The following CARS2 variants were observed in gnomAD, a reference collection of about 807,000 sequenced individuals.
The protein encoded by CARS2 is probable cysteine--tRNA ligase, mitochondrial.
CARS2 carries 52 observed loss-of-function variants against 68.8 expected under a neutral mutation model. That is an observed-to-expected ratio of 0.76 (90% CI 0.61 to 0.95). The LOEUF (loss-of-function observed/expected upper bound fraction) is 0.95. CARS2 is among the 40% of genes least tolerant of loss of function. CARS2 has a pLI of 0.00. For synonymous variants in CARS2, 314 were observed against 303.6 expected (o/e 1.03, Z -0.36); for missense variants, 780 against 754.2 (o/e 1.03, Z -0.40).
At chr13:110,645,638 C>T (rs1196600531) in intron 12 of CARS2, 37 of 231,572 alleles carry the variant, frequency 1.6e-4, no homozygotes, top group Non-Finnish European at 5.0e-5. Flanking sequence ...TAAAAAGTTC[C>T]CCACAAAAGC....
chr13:110,663,243 C>T (rs568088053), intron 9 of CARS2, among the ~76,000 whole-genome samples: 3 of 152,074 alleles, frequency 2.0e-5, no homozygotes, highest in South Asian at 2.1e-4. Context: ...AAAGGGACTG[C>T]GGAAACCTGC....
intron 6 of CARS2, among the ~76,000 whole-genome samples, chr13:110,681,777 C>A (rs560080598): frequency 6.6e-6 from 1 of 152,142 alleles, no homozygotes; most frequent in African/African-American, 2.4e-5. Flanking sequence ...TGAAAAGACA[C>A]GGAGGAAAAT....
At chr13:110,682,694 G>A (rs982328384) in intron 6 of CARS2, among the ~76,000 whole-genome samples, 10 of 152,182 alleles carry the variant, frequency 6.6e-5, no homozygotes, top group African/African-American at 1.9e-4. Flanking sequence ...ACACGTATGG[G>A]AATTAAATGT....
At chr13:110,652,625 G>C (rs1414163066) in intron 9 of CARS2, among the ~76,000 whole-genome samples, 2 of 152,186 alleles carry the variant, frequency 1.3e-5, no homozygotes, top group Non-Finnish European at 2.9e-5. Flanking sequence ...TCTTCTACCA[G>C]GAAGGAGCTC....
At chr13:110,642,763 C>T (rs766505370) in intron 13 of CARS2, 32 of 736,642 alleles carry the variant, frequency 4.3e-5, no homozygotes, top group African/African-American at 3.8e-4. Flanking sequence ...GATCCTCACT[C>T]GGGAGTTGGA....
upstream of CARS2, among the ~76,000 whole-genome samples, chr13:110,707,153 G>A (rs2139952148): frequency 6.7e-6 from 1 of 149,624 alleles, no homozygotes; most frequent in Non-Finnish European, 1.5e-5. Context: ...AACACTGTCT[G>A]CATTCCAATG....
chr13:110,646,352 AT>A, intron 11 of CARS2: 1 of 338,494 alleles, frequency 3.0e-6, no homozygotes, highest in East Asian at 5.6e-5. Flanking sequence ...GGGCATTTTC[AT>A]GATGGTTTTA....
rs868155407 is a variant in CARS2, at chr13:110,676,511, G to A, written c.785+463C>T. Among the ~76,000 whole-genome samples, 1 of 152,180 alleles carries A rather than the reference G, an allele frequency of 6.6e-6. No homozygotes were observed. Among genetic ancestry groups the A allele is most frequent in the Non-Finnish European group, 1.5e-5 (1 of 68,032 alleles). The stretch of plus-strand genomic sequence containing the variant: ...ACAGAGGACCCACATGAGGGTGGCT[G>A]GGGGACTCCAGGAAGATCTGGGAGG... On this transcript the variant is annotated intron_variant, in intron 7 of 14. Coordinates refer to ENST00000257347, the MANE Select transcript of CARS2 (RefSeq NM_024537.4). This position sits in a 1 kb window ranked among gnomAD's most constrained non-coding sequence, Gnocchi z 4.0.
Position 110,668,490 on chromosome 13 carries a change from C to T in CARS2, c.786-1017G>A, listed in dbSNP as rs981231077. The stretch of plus-strand genomic sequence containing the variant: ...CCGGGAGGCGGAGCTTGCAGTGAGC[C>T]GAGATCGCGCCACTGCACTCCAGCC... On this transcript the variant is annotated intron_variant, in intron 7 of 14. Transcript: ENST00000257347. The surrounding 1 kb of genome is among the most constrained non-coding windows in gnomAD (Gnocchi z 4.1). Among the ~76,000 whole-genome samples the T allele has an allele frequency of 1.7e-4, 26 of 150,876 alleles. No individual in the cohort carries two copies. The highest frequency in any genetic ancestry group is 2.9e-5 in the Non-Finnish European group (2 of 67,888).
intron 11 of CARS2, 168 bp from the exon 12 acceptor site, chr13:110,646,258 C>T (rs1345694551): frequency 6.0e-6 from 4 of 669,154 alleles, no homozygotes; most frequent in Non-Finnish European, 9.5e-6. Context: ...AATTATGTAA[C>T]ATCAACTGCA....
chr13:110,654,099 C>T (rs1361939767), intron 9 of CARS2, among the ~76,000 whole-genome samples: 1 of 152,164 alleles, frequency 6.6e-6, no homozygotes, highest in African/African-American at 2.4e-5. Flanking sequence ...CACGAGGTAA[C>T]AGGGTGCACA....
At chr13:110,692,864 C>A (rs2063511343) in intron 3 of CARS2, among the ~76,000 whole-genome samples, 1 of 151,966 alleles carries the variant, frequency 6.6e-6, no homozygotes, top group Admixed American at 6.6e-5. Flanking sequence ...GTAATGCCAG[C>A]ACTTTGGGAG....
At chr13:110,704,144 G>C (rs1055854097) in intron 2 of CARS2, among the ~76,000 whole-genome samples, 2 of 152,190 alleles carry the variant, frequency 1.3e-5, no homozygotes, top group Admixed American at 1.3e-4. Flanking sequence ...TTTTGTTACA[G>C]CAGACTCATA....
intron 3 of CARS2, among the ~76,000 whole-genome samples, chr13:110,693,109 C>CAAAAAAAA (rs776745304): frequency 1.7e-5 from 1 of 59,450 alleles, no homozygotes; most frequent in Non-Finnish European, 2.9e-5. Context: ...GACTCTGTCT[C>CAAAAAAAA]AAAAAAAAAA....
chr13:110,679,593 AAGAAAGAGAGAGAG>A (rs1457940341), intron 6 of CARS2, among the ~76,000 whole-genome samples: 3 of 28,114 alleles, frequency 1.1e-4, no homozygotes, highest in South Asian at 1.8e-3. Flanking sequence ...GAAAGAAAGA[AAGAAAGAGAGAGAG>A]AGAGAGAGAG....
rs189897575 is a variant in CARS2 at position 110,651,006 on chromosome 13, G to C, written c.1054+28C>G. ...AATGACTGTCTCCGAGCTGGGGGGG[G>C]AGTCCACTCCACGTGTGCTCGGCTC... On this transcript the variant is annotated intron_variant, in intron 10 of 14. Coordinates refer to ENST00000257347, the MANE Select transcript of CARS2 (RefSeq NM_024537.4). 1,652 of 1,557,326 alleles carry C rather than the reference G, an allele frequency of 1.1e-3. 3 individuals are homozygous for C. The highest frequency in any genetic ancestry group is 2.6e-3 in the Admixed American group (149 of 57,878).
chr13:110,643,987 G>GT (rs1404952164), intron 13 of CARS2: 1 of 631,908 alleles, frequency 1.6e-6, no homozygotes, highest in African/African-American at 1.9e-5. Flanking sequence ...CGTCCTGTCC[G>GT]TACAAAACAT....
Position 110,676,991 on chromosome 13 carries a change from C to G in CARS2, c.768G>C (p.Glu256Asp), listed in dbSNP as rs1325924727. ...CACCTTACCTAGCGATGGCAGAGCACTCGATGTGCCAGCCCGGCCTCCCGG... is the reference window on the plus strand; with the variant it reads ...CACCTTACCTAGCGATGGCAGAGCAGTCGATGTGCCAGCCCGGCCTCCCGG... ...WGPGRPGWHI[E>D]CSAIASMVFG... Residue 256 changes from glutamate (E) to aspartate (D), a missense_variant, in exon 7 of 15, where the codon GAG becomes GAC. Glu to Asp is a conservative substitution (Grantham distance 45). Coordinates refer to ENST00000257347, the MANE Select transcript of CARS2 (RefSeq NM_024537.4). This position sits in a 1 kb window ranked among gnomAD's most constrained non-coding sequence, Gnocchi z 4.0. 1.9e-6 allele frequency: 3 copies of G among 1,591,766 alleles called. No individual in the cohort carries two copies. The African/African-American group carries it at 4.0e-5, about 21-fold the overall frequency.
At chr13:110,707,572 A>C (rs560745573), upstream of CARS2, 1 of 151,990 alleles carries the variant, frequency 6.6e-6, no homozygotes, top group East Asian at 1.9e-4. Flanking sequence ...GCTTGAACCC[A>C]GGAGGCAGAG....
Sources: gnomAD v4.1 joint callset for allele counts (sites outside exome capture counted in the v4.1 genomes callset) on GRCh38, gnomAD v4.1.1 for gene constraint, Gnocchi (gnomAD v3.1) non-coding constraint, MANE v1.5 for transcripts, NCBI Gene and HGNC (gene_info 2026-07-23, HGNC 2026-07-21) for gene names.